Variants in PDSS2 observed in about 807,000 individuals in gnomAD.
PDSS2 encodes all trans-polyprenyl-diphosphate synthase PDSS2.
In PDSS2, 31 loss-of-function variants were observed where a neutral mutation model predicts 44.5. That is an observed-to-expected ratio of 0.70 (90% CI 0.52 to 0.94). The LOEUF is 0.94. Ranked by LOEUF, PDSS2 falls within the 40% of genes least tolerant of loss-of-function variation. The pLI, the probability that PDSS2 is intolerant of heterozygous loss-of-function variation, is 0.00. For missense variants in PDSS2, 452 were observed against 482.2 expected, an observed-to-expected ratio of 0.94 and a Z score of 0.59; for synonymous variants, 157 against 180.3, an observed-to-expected ratio of 0.87 and a Z score of 1.03.
At chr6:107,452,351 G>A (rs1240208943) in intron 1 of PDSS2, among the ~76,000 whole-genome samples, 1 of 151,778 alleles carries the variant, frequency 6.6e-6, no homozygotes, top group Admixed American at 6.6e-5. Context: ...TCCTGCCTAA[G>A]CCTCTGGTGT....
At chr6:107,158,177 G>T (rs962765407) in intron 7 of PDSS2, among the ~76,000 whole-genome samples, 5 of 140,844 alleles carry the variant, frequency 3.6e-5, no homozygotes, top group African/African-American at 1.3e-4. Flanking sequence ...CAGAAGCCAG[G>T]TTTTCTTTCT....
intron 3 of PDSS2, among the ~76,000 whole-genome samples, chr6:107,246,351 T>C (rs1774613792): frequency 6.6e-6 from 1 of 152,162 alleles, no homozygotes; most frequent in Admixed American, 6.5e-5. Flanking sequence ...AGCATCTTAA[T>C]TTGAGAGGAT....
At chr6:107,394,024 TG>T (rs1380804326) in intron 1 of PDSS2, among the ~76,000 whole-genome samples, 4 of 152,204 alleles carry the variant, frequency 2.6e-5, no homozygotes, top group African/African-American at 9.6e-5. Context: ...GCTTTTTATC[TG>T]GAAGATTTAG....
chr6:107,299,308 A>G (rs1776620081), intron 2 of PDSS2, among the ~76,000 whole-genome samples: 1 of 152,058 alleles, frequency 6.6e-6, no homozygotes, highest in Non-Finnish European at 1.5e-5. Context: ...CAAAGCAGAG[A>G]GCCACAGTGG....
chr6:107,212,830 A>G (rs1224792421), intron 4 of PDSS2, among the ~76,000 whole-genome samples: 1 of 85,888 alleles, frequency 1.2e-5, no homozygotes, highest in Non-Finnish European at 2.2e-5. Context: ...ACATAGCAAG[A>G]CTCTACAAAA....
At chr6:107,453,944 T>C (rs909397719) in intron 1 of PDSS2, among the ~76,000 whole-genome samples, 15 of 152,348 alleles carry the variant, frequency 9.8e-5, no homozygotes, top group African/African-American at 3.1e-4. Context: ...CATCTCTCTA[T>C]GTGGTAGCTC....
At chr6:107,230,766 C>G (rs922741336) in intron 4 of PDSS2, among the ~76,000 whole-genome samples, 1 of 152,020 alleles carries the variant, frequency 6.6e-6, no homozygotes, top group African/African-American at 2.4e-5. Flanking sequence ...CAGGTAAGTA[C>G]CCCCTGCCCA....
chr6:107,253,194 C>T (rs912351255), intron 3 of PDSS2, among the ~76,000 whole-genome samples: 5 of 152,102 alleles, frequency 3.3e-5, no homozygotes, highest in African/African-American at 4.8e-5. Context: ...CGCCACCACG[C>T]CTGGCTAATT....
chr6:107,213,658 G>A lies in PDSS2; in HGVS notation c.703-1376C>T, dbSNP rs545394523. On this transcript the variant is annotated intron_variant, in intron 4 of 7. Coordinates refer to ENST00000369037, the MANE Select transcript of PDSS2 (RefSeq NM_020381.4). ...TGTAATCCCAGCTACTTGGGAGGCC[G>A]AGGCAGGAGAATCACTTGAACCTGG... 8.5e-5 allele frequency among the ~76,000 whole-genome samples: 13 copies of A among 152,202 alleles called. No individual in the cohort carries two copies. In the East Asian group the frequency reaches 1.6e-3, roughly 18 times the overall value.
rs73763765 is a variant in PDSS2 at position 107,231,320 on chromosome 6, T to C, written c.702+14228A>G. Among the ~76,000 whole-genome samples, 1,372 of 152,320 alleles carry C rather than the reference T, an allele frequency of 9.0e-3. 25 individuals are homozygous for C. The highest frequency in any genetic ancestry group is 0.031 in the African/African-American group (1,304 of 41,554). On this transcript the variant is annotated intron_variant, in intron 4 of 7. Coordinates refer to ENST00000369037, the MANE Select transcript of PDSS2 (RefSeq NM_020381.4). Reference sequence around the variant, plus strand: ...AAAGAACAGGTTAAAAGATGGTAGATGTTGACTTAGTTCCACAAAATACAC... The same window carrying C: ...AAAGAACAGGTTAAAAGATGGTAGACGTTGACTTAGTTCCACAAAATACAC...
At chr6:107,257,739 C>G (rs2114863620) in intron 3 of PDSS2, among the ~76,000 whole-genome samples, 1 of 152,172 alleles carries the variant, frequency 6.6e-6, no homozygotes, top group South Asian at 2.1e-4. Context: ...GTGCCTTGAC[C>G]TCCCAAGTAG....
chr6:107,244,412 CA>C (rs1283077624), intron 4 of PDSS2, among the ~76,000 whole-genome samples: 2 of 152,152 alleles, frequency 1.3e-5, no homozygotes, highest in African/African-American at 4.8e-5. Flanking sequence ...GGAACTAGAC[CA>C]GTAGTCACCC....
chr6:107,440,149 A>G (rs960996516), intron 1 of PDSS2, among the ~76,000 whole-genome samples: 3 of 152,202 alleles, frequency 2.0e-5, no homozygotes, highest in African/African-American at 7.2e-5. Flanking sequence ...TCTACCTCAT[A>G]AGGGATGGAC....
intron 1 of PDSS2, among the ~76,000 whole-genome samples, chr6:107,340,823 C>T (rs1470653226): frequency 6.6e-6 from 1 of 152,046 alleles, no homozygotes; most frequent in African/African-American, 2.4e-5. Context: ...TAAGCAGTGA[C>T]AAGAAGGTGG....
intron 2 of PDSS2, among the ~76,000 whole-genome samples, chr6:107,293,975 C>T (rs962939327): frequency 6.6e-6 from 1 of 152,098 alleles, no homozygotes; most frequent in Non-Finnish European, 1.5e-5. Context: ...TCACAAGAGG[C>T]TGAGGTTTGG....
intron 1 of PDSS2, among the ~76,000 whole-genome samples, chr6:107,420,353 T>C (rs1780785663): frequency 6.6e-6 from 1 of 152,134 alleles, no homozygotes; most frequent in African/African-American, 2.4e-5. Flanking sequence ...ACAACTATGA[T>C]AGATACAGAC....
intron 6 of PDSS2, chr6:107,197,907 C>T (rs944216367): frequency 8.7e-6 from 4 of 459,742 alleles, no homozygotes; most frequent in African/African-American, 8.0e-5. Flanking sequence ...GACTGAAAGG[C>T]AAACCATGGA....
chr6:107,429,929 TATATATATAC>T (rs1562534374), intron 1 of PDSS2, among the ~76,000 whole-genome samples: 1 of 104,656 alleles, frequency 9.6e-6, no homozygotes, highest in Non-Finnish European at 1.9e-5. Context: ...TATATATATA[TATATATATAC>T]ACCAAACCCA....
At chr6:107,355,678 C>T (rs987616843) in intron 1 of PDSS2, among the ~76,000 whole-genome samples, 2 of 152,270 alleles carry the variant, frequency 1.3e-5, no homozygotes, top group Non-Finnish European at 2.9e-5. Context: ...GTACTTGCAG[C>T]GTGGAAAACC....
Sources: gnomAD v4.1 joint callset for allele counts (sites outside exome capture counted in the v4.1 genomes callset) on GRCh38, gnomAD v4.1.1 for gene constraint, MANE v1.5 for transcripts, NCBI Gene and HGNC (gene_info 2026-07-23, HGNC 2026-07-21) for gene names.